TANC2: variants seen among roughly 807,000 people sequenced by gnomAD.
TANC2 encodes the protein protein TANC2.
In TANC2, 26 loss-of-function variants were observed where a neutral mutation model predicts 210.5. The ratio of observed to expected loss-of-function variants is 0.12; its 90% confidence interval spans 0.09 to 0.17. TANC2 has a LOEUF of 0.17. Ranked by LOEUF, TANC2 falls within the 10% of genes least tolerant of loss-of-function variation. The pLI, the probability that TANC2 is intolerant of heterozygous loss-of-function variation, is 1.00. For synonymous variants in TANC2, 931 were observed against 967.1 expected (o/e 0.96, Z 0.69); for missense variants, 2,129 against 2,608.9 (o/e 0.82, Z 4.01).
intron 7 of TANC2, among the ~76,000 whole-genome samples, chr17:63,224,250 ATTTT>A (rs768863390): frequency 7.7e-6 from 1 of 130,296 alleles, no homozygotes; most frequent in Admixed American, 7.9e-5. Context: ...AGACTTGCTG[ATTTT>A]TTTTTTTTTT....
At chr17:63,053,976 T>G (rs1406259897) in intron 2 of TANC2, among the ~76,000 whole-genome samples, 1 of 152,234 alleles carries the variant, frequency 6.6e-6, no homozygotes, top group Non-Finnish European at 1.5e-5. Context: ...TTGGTCTCTC[T>G]GCTTTGTCTA....
chr17:63,232,713 G>A (rs968153390), intron 7 of TANC2, among the ~76,000 whole-genome samples: 2 of 152,184 alleles, frequency 1.3e-5, no homozygotes, highest in Non-Finnish European at 2.9e-5. Flanking sequence ...CCCTGTTGGG[G>A]GTTCTCACCC....
Position 63,334,748 on chromosome 17 carries a change from A to G in TANC2, c.1576-5353A>G, listed in dbSNP as rs566053705. ...AACCTTAACAAAGTGATCAAGGGCA[A>G]CATTACCAGTTGTGTTAGGCCATTC... On this transcript the variant is annotated intron_variant, in intron 11 of 27. Transcript: ENST00000689528. Among the ~76,000 whole-genome samples the G allele has an allele frequency of 3.9e-5, 6 of 152,360 alleles. No homozygotes were observed. In the South Asian group the frequency reaches 1.2e-3, roughly 32 times the overall value.
At chr17:63,419,961 A>G (rs2147412885) in intron 27 of TANC2, 38 bp from the exon 28 acceptor site, 1 of 1,496,036 alleles carries the variant, frequency 6.7e-7, no homozygotes, top group African/African-American at 1.4e-5. Context: ...CTGGATTCAG[A>G]ATAACTCCAG....
chr17:63,307,210 G>A (rs2044944815), intron 9 of TANC2, among the ~76,000 whole-genome samples: 1 of 152,162 alleles, frequency 6.6e-6, no homozygotes, highest in South Asian at 2.1e-4. Flanking sequence ...GCGTAGGGGA[G>A]TGATATGGTC....
At chr17:63,224,850 C>G (rs1293734188) in intron 7 of TANC2, among the ~76,000 whole-genome samples, 1 of 152,212 alleles carries the variant, frequency 6.6e-6, no homozygotes, top group Non-Finnish European at 1.5e-5. Flanking sequence ...CATGAATCTT[C>G]TGACTCATTT....
intron 12 of TANC2, 84 bp from the exon 13 acceptor site, chr17:63,351,166 C>G (rs1004739296): frequency 1.6e-6 from 2 of 1,254,122 alleles, no homozygotes; most frequent in African/African-American, 3.1e-5. Flanking sequence ...TATTTTGTTC[C>G]AAAGAAATAT....
intron 4 of TANC2, among the ~76,000 whole-genome samples, chr17:63,126,051 A>G (rs1005864872): frequency 1.3e-5 from 2 of 152,132 alleles, no homozygotes; most frequent in African/African-American, 2.4e-5. Context: ...ACTACTTCCT[A>G]GGGTTATTAT....
chr17:63,012,268 G>A (rs181185701), intron 2 of TANC2, among the ~76,000 whole-genome samples: 1 of 152,152 alleles, frequency 6.6e-6, no homozygotes, highest in East Asian at 1.9e-4. Flanking sequence ...TGATCCTCAT[G>A]CCTTGGCCTT....
chr17:62,986,823 A>G (rs1271920247), intron 1 of TANC2, among the ~76,000 whole-genome samples: 2 of 151,924 alleles, frequency 1.3e-5, no homozygotes, highest in Non-Finnish European at 2.9e-5. Context: ...GGCCTGGGGT[A>G]TTACCAGACA....
chr17:63,363,979 T>C (rs2047037417), intron 14 of TANC2, among the ~76,000 whole-genome samples: 2 of 152,240 alleles, frequency 1.3e-5, no homozygotes. Context: ...TGTCATAGTT[T>C]AGTTGTGTGA....
chr17:63,056,217 G>A (rs1248374397), intron 2 of TANC2, among the ~76,000 whole-genome samples: 1 of 94,864 alleles, frequency 1.1e-5, no homozygotes, highest in Non-Finnish European at 1.9e-5. Flanking sequence ...TGGGGCAGTG[G>A]TGATTTTAAT....
At chr17:63,267,437 C>A (rs1344959428) in intron 8 of TANC2, among the ~76,000 whole-genome samples, 1 of 151,986 alleles carries the variant, frequency 6.6e-6, no homozygotes, top group African/African-American at 2.4e-5. Context: ...TGTTTATTTG[C>A]TTAGTTTGTT....
chr17:63,113,622 C>G (rs929332340), intron 4 of TANC2, among the ~76,000 whole-genome samples: 2 of 152,178 alleles, frequency 1.3e-5, no homozygotes, highest in African/African-American at 4.8e-5. Flanking sequence ...ATCTTCCCAC[C>G]TCAGCCTCCT....
At chr17:63,246,002 G>A (rs1033859467) in intron 8 of TANC2, among the ~76,000 whole-genome samples, 22 of 122,296 alleles carry the variant, frequency 1.8e-4, no homozygotes, top group Admixed American at 3.1e-4. Context: ...AGAGTGAGAC[G>A]CTGTCTCAAA....
chr17:62,990,525 C>T (rs2032806194), intron 1 of TANC2, among the ~76,000 whole-genome samples: 1 of 152,034 alleles, frequency 6.6e-6, no homozygotes, highest in African/African-American at 2.4e-5. Flanking sequence ...CTCGAGTGAT[C>T]TTCCCACCTT....
rs555232719 is a variant in TANC2 at position 63,369,250 on chromosome 17, AAC to A, written c.2583-10464_2583-10463del. On this transcript the variant is annotated intron_variant, in intron 14 of 27. Coordinates refer to ENST00000689528, the Ensembl canonical transcript of TANC2. ...TTTTGCAAACACAAAGACCCCTGGT[AAC>A]ACAAGAGAAACATCCATTTAAAGGA... is the stretch of plus-strand genomic sequence containing the variant. Among the ~76,000 whole-genome samples the A allele has an allele frequency of 1.9e-3, 286 of 152,336 alleles. 1 individual carries two copies. The highest frequency in any genetic ancestry group is 6.6e-3 in the African/African-American group (275 of 41,582).
intron 7 of TANC2, among the ~76,000 whole-genome samples, chr17:63,221,442 C>CAAAAAAAAAA (rs755699051): frequency 1.0e-4 from 9 of 87,480 alleles, no homozygotes; most frequent in South Asian, 3.9e-4. Context: ...GACTCCATCT[C>CAAAAAAAAAA]AAAAAAAAAA....
At chr17:63,061,371 G>A (rs955584683) in intron 2 of TANC2, among the ~76,000 whole-genome samples, 143 of 151,832 alleles carry the variant, frequency 9.4e-4, no homozygotes, top group Non-Finnish European at 2.0e-3. Flanking sequence ...CTGTCTCAAA[G>A]AACAAAAAAA....
Sources: allele counts gnomAD v4.1 joint callset (sites outside exome capture counted in the v4.1 genomes callset), GRCh38; gene constraint gnomAD v4.1.1; transcripts MANE v1.5; gene names NCBI Gene and HGNC (gene_info 2026-07-23, HGNC 2026-07-21).